TSC1: variants seen among roughly 807,000 people sequenced by gnomAD.
TSC1 encodes the protein hamartin.
A neutral mutation model predicts 124.3 loss-of-function variants in TSC1; 20 were observed. The observed-to-expected ratio is 0.16, with a 90% confidence interval of 0.11 to 0.23. The LOEUF (loss-of-function observed/expected upper bound fraction) is 0.23. Among genes scored for constraint, TSC1 ranks in the 10% least tolerant of loss-of-function variants. TSC1 has a pLI of 1.00. For missense variants in TSC1, 1,124 were observed against 1,448.5 expected, an observed-to-expected ratio of 0.78 and a Z score of 3.64; for synonymous variants, 493 against 539.1, an observed-to-expected ratio of 0.91 and a Z score of 1.19.
rs118203466 is a variant in TSC1, at chr9:132,912,283, A to G, written c.912T>C (p.Tyr304=). 5.6e-6 allele frequency: 9 copies of G among 1,614,160 alleles called. No homozygotes were observed. The African/African-American group carries it at 9.3e-5, about 17-fold the overall frequency. Residue 304 remains tyrosine (Y), a splice_region_variant and synonymous_variant, in exon 9 of 23, where the codon TAT becomes TAC. Transcript: ENST00000298552. ...ATAAGTACCAAAGACACTTTTTACC[A>G]TAGCTATTCTGTGTGTCAGCATAAG... ...TSPYADTQNS[Y]GCATSTPYST... is the part of the protein sequence containing the mutation.
At chr9:132,908,125 A>G (rs1845764295) in intron 12 of TSC1, among the ~76,000 whole-genome samples, 1 of 148,956 alleles carries the variant, frequency 6.7e-6, no homozygotes, top group South Asian at 2.1e-4. Flanking sequence ...AAAGTTGGAG[A>G]ATCCCAAGAG....
chr9:132,902,829 A>T lies in TSC1; in HGVS notation c.2209-42T>A, dbSNP rs781414372. 1.9e-6 allele frequency: 3 copies of T among 1,609,450 alleles called. No homozygotes were observed. The South Asian group carries it at 3.3e-5, about 18-fold the overall frequency. On this transcript the variant is annotated intron_variant, in intron 17 of 22. Coordinates refer to ENST00000298552, the MANE Select transcript of TSC1 (RefSeq NM_000368.5). This position sits in a 1 kb window ranked among gnomAD's most constrained non-coding sequence, Gnocchi z 5.2. Reference sequence around the variant, plus strand: ...ATGTCATCATTTTAGCTGTCTTCCAACACAGGCAATTTAACACACACTGCG... The same window carrying T: ...ATGTCATCATTTTAGCTGTCTTCCATCACAGGCAATTTAACACACACTGCG...
chr9:132,907,380 T>C lies in TSC1; in HGVS notation c.1264-10A>G, dbSNP rs994736836. The C allele has an allele frequency of 1.2e-6, 2 of 1,610,470 alleles. No homozygotes were observed. Among genetic ancestry groups the C allele is most frequent in the Non-Finnish European group, 1.7e-6 (2 of 1,176,626 alleles). Reference sequence around the variant, plus strand: ...AATCCATTCTCTCTTCCTGAAAAGATAAGTATCATTTATATCACAAGACGA... The same window carrying C: ...AATCCATTCTCTCTTCCTGAAAAGACAAGTATCATTTATATCACAAGACGA... On this transcript the variant is annotated splice_polypyrimidine_tract_variant and intron_variant, in intron 12 of 22. Transcript: ENST00000298552.
In TSC1 at chr9:132,921,963, C is replaced by G. The variant is rs768999400; in HGVS notation, c.519G>C (p.Ala173=). ...SWCLKKPGHV[A]EVYLVHLHAS... ...CATGGAGATGGACGAGATAGACTTC[C>G]GCCACGTGGCCTAGAAAAGGAACCC... The change falls in exon 7 of 23, where the codon GCG becomes GCC. Residue 173 remains alanine (A), a synonymous_variant. Transcript: ENST00000298552. This position sits in a 1 kb window ranked among gnomAD's most constrained non-coding sequence, Gnocchi z 4.3. 1 of 1,614,048 alleles carries G rather than the reference C, an allele frequency of 6.2e-7. No individual in the cohort carries two copies. Among genetic ancestry groups the G allele is most frequent in the Admixed American group, 1.7e-5 (1 of 60,022 alleles).
intron 8 of TSC1, among the ~76,000 whole-genome samples, chr9:132,920,581 CTG>C (rs1342142263): frequency 1.3e-5 from 2 of 152,096 alleles, no homozygotes; most frequent in African/African-American, 4.8e-5. Flanking sequence ...GAGGCAGTGT[CTG>C]TGGTGAGGTG....
In TSC1 at chr9:132,893,598, G is replaced by C. The variant is rs538802838; in HGVS notation, c.*2637C>G. On this transcript the variant is annotated 3_prime_UTR_variant, in exon 23 of 23. Transcript: ENST00000298552. ...ACAGCAGCAGACTTCGGGCTCCTCG[G>C]GGCCTGTGCTGACTCTGGTTAGTGT... The C allele has an allele frequency of 2.1e-5, 5 of 233,120 alleles. No individual in the cohort carries two copies. The highest frequency in any genetic ancestry group is 1.8e-4 in the South Asian group (1 of 5,522). The allele number at this position is 233,120 out of a possible 1,614,324, so 14.4% of individuals were successfully genotyped here.
At position 132,896,840 on chromosome 9, in the gene TSC1, A is replaced by C; in HGVS notation, c.2976-86T>G. 6.3e-7 allele frequency: 1 copy of C among 1,594,302 alleles called. No homozygotes were observed. Among genetic ancestry groups the C allele is most frequent in the Non-Finnish European group, 8.6e-7 (1 of 1,163,674 alleles). ...TGTGGAATTACACTGACACTCACTC[A>C]CACTGACACTGAACTCCGCTAGCCC... On this transcript the variant is annotated intron_variant, in intron 22 of 22. Coordinates refer to ENST00000298552, the MANE Select transcript of TSC1 (RefSeq NM_000368.5). The surrounding 1 kb of genome is among the most constrained non-coding windows in gnomAD (Gnocchi z 4.5).
chr9:132,924,664 T>C (rs1846753139), intron 5 of TSC1, among the ~76,000 whole-genome samples: 1 of 152,242 alleles, frequency 6.6e-6, no homozygotes, highest in Admixed American at 6.5e-5. Flanking sequence ...TCAATCCATT[T>C]AGATTATATT....
Position 132,910,389 on chromosome 9 carries a change from C to T in TSC1, c.1263+182G>A, listed in dbSNP as rs1215657770. 7 of 1,119,336 alleles carry T rather than the reference C, an allele frequency of 6.3e-6. No individual in the cohort carries two copies. In the East Asian group the frequency reaches 1.8e-4, roughly 28 times the overall value. 69.3% of individuals were successfully genotyped at this position (1,119,336 alleles called of 1,614,324 possible). On this transcript the variant is annotated intron_variant, in intron 12 of 22. Transcript: ENST00000298552. ...TTCTGCCAAAGCAGAGTTTTGGAAC[C>T]ACCCAGGGGTCGGCAGATCACACCT...
chr9:132,903,631 G>T lies in TSC1; in HGVS notation c.2208+20C>A, dbSNP rs771950290. On this transcript the variant is annotated intron_variant, in intron 17 of 22. Transcript: ENST00000298552. The surrounding 1 kb of genome is among the most constrained non-coding windows in gnomAD (Gnocchi z 5.9). Reference sequence around the variant, plus strand: ...ACAAAACAAAAAGCAAGCTCCACCTGTCCCCTCCCCAGTCCTCACCATGGC... The same window carrying T: ...ACAAAACAAAAAGCAAGCTCCACCTTTCCCCTCCCCAGTCCTCACCATGGC... 1 of 1,611,922 alleles carries T rather than the reference G, an allele frequency of 6.2e-7. No homozygotes were observed. The highest frequency in any genetic ancestry group is 8.5e-7 in the Non-Finnish European group (1 of 1,179,774).
intron 1 of TSC1, among the ~76,000 whole-genome samples, chr9:132,943,003 T>G (rs1239515684): frequency 6.6e-6 from 1 of 152,200 alleles, no homozygotes; most frequent in Non-Finnish European, 1.5e-5. Context: ...GAATGTTCAA[T>G]TTAAGAATCA....
chr9:132,909,880 T>C (rs1447015180), intron 12 of TSC1: 1 of 152,638 alleles, frequency 6.6e-6, no homozygotes, highest in East Asian at 1.9e-4. Context: ...CCTCTTGGGA[T>C]AGGACACTTC....
chr9:132,921,461 A>G lies in TSC1; in HGVS notation c.664-25T>C, dbSNP rs1307960430. The G allele has an allele frequency of 6.2e-7, 1 of 1,613,070 alleles. No homozygotes were observed. Among genetic ancestry groups the G allele is most frequent in the Non-Finnish European group, 8.5e-7 (1 of 1,179,054 alleles). On this transcript the variant is annotated intron_variant, in intron 7 of 22. Coordinates refer to ENST00000298552, the MANE Select transcript of TSC1 (RefSeq NM_000368.5). This position sits in a 1 kb window ranked among gnomAD's most constrained non-coding sequence, Gnocchi z 4.3. The stretch of plus-strand genomic sequence containing the variant: ...GCTAGAAGAGTTGGGTTGACAAATT[A>G]TAAAGGGCTGAATGTTTGTGGAACA...
chr9:132,912,347 G>A lies in TSC1; in HGVS notation c.848C>T (p.Ala283Val), dbSNP rs1554817613. 3 of 1,614,188 alleles carry A rather than the reference G, an allele frequency of 1.9e-6. No individual in the cohort carries two copies. Among genetic ancestry groups the A allele is most frequent in the Non-Finnish European group, 2.5e-6 (3 of 1,180,044 alleles). The stretch of plus-strand genomic sequence containing the variant: ...ATCGGCTGAACGATGAGGAAAGCGG[G>A]CTGAGATTTGGTGAGACACAGAATA... Reference protein sequence around the residue: ...DGYSVSHQISARFPHRSADVT... With the variant: ...DGYSVSHQISVRFPHRSADVT... The change falls in exon 9 of 23, where the codon GCC (alanine) becomes GTC (valine). Residue 283 changes from alanine (A) to valine (V), a missense_variant. Ala to Val is a moderately conservative substitution (Grantham distance 64, BLOSUM62 0). Coordinates refer to ENST00000298552, the MANE Select transcript of TSC1 (RefSeq NM_000368.5).
chr9:132,923,172 T>C lies in TSC1; in HGVS notation c.508+176A>G, dbSNP rs1394076370. ...AAAAAAAGTTATCTCAACAGTCATG[T>C]TTCTTCTATGTGCCTGTAGTGGATG... On this transcript the variant is annotated intron_variant, in intron 6 of 22. Transcript: ENST00000298552. The surrounding 1 kb of genome is among the most constrained non-coding windows in gnomAD (Gnocchi z 4.2). Among the ~76,000 whole-genome samples the C allele has an allele frequency of 6.6e-6, 1 of 152,226 alleles. No homozygotes were observed. The highest frequency in any genetic ancestry group is 1.5e-5 in the Non-Finnish European group (1 of 68,046).
chr9:132,897,536 C>T lies in TSC1; in HGVS notation c.2700G>A (p.Gln900=), dbSNP rs560986491. 3.6e-5 allele frequency: 58 copies of T among 1,606,094 alleles called. No individual in the cohort carries two copies. Among genetic ancestry groups the T allele is most frequent in the South Asian group, 3.0e-4 (27 of 90,716 alleles). Residue 900 remains glutamine (Q), a synonymous_variant, in exon 21 of 23, where the codon CAG becomes CAA. Coordinates refer to ENST00000298552, the MANE Select transcript of TSC1 (RefSeq NM_000368.5). The stretch of plus-strand genomic sequence containing the variant: ...TCCGTTTTTGGGAGGTATCAAGCCT[C>T]TGAGTCTGCTGGAGAACATGGCTTC... ...KNRSHVLQQT[Q]RLDTSQKRIL... is the part of the protein sequence containing the mutation.
At position 132,918,091 on chromosome 9, in the gene TSC1, T is replaced by C. The variant is rs186814645; in HGVS notation, c.737+3272A>G. On this transcript the variant is annotated intron_variant, in intron 8 of 22. Coordinates refer to ENST00000298552, the MANE Select transcript of TSC1 (RefSeq NM_000368.5). ...AAGTTAATATAGTTGGTTGAACATA[T>C]GCACTCAACTGTACAACCTCCTGGA... 1.4e-4 allele frequency among the ~76,000 whole-genome samples: 21 copies of C among 152,358 alleles called. No individual in the cohort carries two copies. The East Asian group carries it at 3.7e-3, about 27-fold the overall frequency.
rs1844854573 is a variant in TSC1 at position 132,893,118 on chromosome 9, C to T, written c.*3117G>A. The stretch of plus-strand genomic sequence containing the variant: ...ACATAAGCTTTGGCTCACAAAGTAG[C>T]TCACCTCTCGCCTCTCCACTCTTCA... On this transcript the variant is annotated 3_prime_UTR_variant, in exon 23 of 23. Coordinates refer to ENST00000298552, the MANE Select transcript of TSC1 (RefSeq NM_000368.5). 8.6e-6 allele frequency: 2 copies of T among 233,194 alleles called. No homozygotes were observed. Among genetic ancestry groups the T allele is most frequent in the Admixed American group, 1.1e-4 (2 of 17,782 alleles). The allele number at this position is 233,194 out of a possible 1,614,324, so 14.4% of individuals were successfully genotyped here.
At chr9:132,944,769 T>C, upstream of TSC1, 1 of 395,420 alleles carries the variant, frequency 2.5e-6, no homozygotes, top group Non-Finnish European at 4.5e-6. Context: ...CACTCATAAC[T>C]GACGATGTGG....
Sources: gnomAD v4.1 joint callset for allele counts (sites outside exome capture counted in the v4.1 genomes callset) on GRCh38, gnomAD v4.1.1 for gene constraint, Gnocchi (gnomAD v3.1) non-coding constraint, MANE v1.5 for transcripts, NCBI Gene and HGNC (gene_info 2026-07-23, HGNC 2026-07-21) for gene names.